Variants in TRAPPC11 observed in about 807,000 individuals in gnomAD.
TRAPPC11 encodes foie gras homolog.
Under a neutral mutation model 151.2 loss-of-function variants are expected in TRAPPC11, and 104 were observed. That is an observed-to-expected ratio of 0.69 (90% CI 0.59 to 0.81). The LOEUF is 0.81. Ranked by LOEUF, TRAPPC11 falls within the 30% of genes least tolerant of loss-of-function variation. TRAPPC11 has a pLI of 0.00. For synonymous variants in TRAPPC11, 456 were observed against 472.3 expected (o/e 0.97, Z 0.45); for missense variants, 1,230 against 1,349.6 (o/e 0.91, Z 1.39).
At position 183,693,141 on chromosome 4, in the gene TRAPPC11, G is replaced by GCA; in HGVS notation, c.2234_2235dup (p.Met746GlnfsTer2). On this transcript the variant is annotated frameshift_variant, in exon 20 of 30. Coordinates refer to ENST00000334690, the MANE Select transcript of TRAPPC11 (RefSeq NM_021942.6). LOFTEE classifies it high-confidence loss of function. ...TGGGACAGCATTATAATTCAGGCAAGCACAATGTAAGTCTGCTTTGCTAAG... is the reference window on the plus strand; with the variant it reads ...TGGGACAGCATTATAATTCAGGCAAGCACACAATGTAAGTCTGCTTTGCTAAG... The GCA allele has an allele frequency of 6.3e-7, 1 of 1,595,614 alleles. No individual in the cohort carries two copies. The highest frequency in any genetic ancestry group is 8.6e-7 in the Non-Finnish European group (1 of 1,168,924).
At chr4:183,661,486 C>T (rs1255062257) in intron 1 of TRAPPC11, among the ~76,000 whole-genome samples, 1 of 150,106 alleles carries the variant, frequency 6.7e-6, no homozygotes, top group Non-Finnish European at 1.5e-5. Context: ...ATTCTCCTGC[C>T]TCAGCCTCCC....
intron 10 of TRAPPC11, among the ~76,000 whole-genome samples, chr4:183,681,745 A>T (rs1032632320): frequency 2.7e-4 from 41 of 150,194 alleles, no homozygotes; most frequent in African/African-American, 9.4e-4. Flanking sequence ...GTGCCAGTGC[A>T]CTCCAGCCTG....
At chr4:183,709,854 G>A (rs1020180671) in intron 29 of TRAPPC11, among the ~76,000 whole-genome samples, 7 of 152,018 alleles carry the variant, frequency 4.6e-5, no homozygotes, top group African/African-American at 9.7e-5. Flanking sequence ...AAATATTTTC[G>A]CCAGATCCCT....
At chr4:183,671,250 C>T (rs1002573110) in intron 5 of TRAPPC11, among the ~76,000 whole-genome samples, 4 of 152,120 alleles carry the variant, frequency 2.6e-5, no homozygotes, top group African/African-American at 7.2e-5. Flanking sequence ...AAATACAAAA[C>T]GATGTATGCA....
Position 183,708,473 on chromosome 4 carries a change from G to C in TRAPPC11, c.3256G>C (p.Gly1086Arg). Residue 1086 changes from glycine to arginine, a missense_variant, in exon 29 of 30, where the codon GGA becomes CGA. By Grantham distance (125) the Gly-to-Arg change is moderately radical. Coordinates refer to ENST00000334690, the MANE Select transcript of TRAPPC11 (RefSeq NM_021942.6). Reference sequence around the variant, plus strand: ...ATATAATTTCTATCCTCTGATGGCTGGATACCAGCAGCTGCCATCTCTCAA... The same window carrying C: ...ATATAATTTCTATCCTCTGATGGCTCGATACCAGCAGCTGCCATCTCTCAA... ...MLYNFYPLMAGYQQLPSLNIN... is the reference protein window; with the variant it reads ...MLYNFYPLMARYQQLPSLNIN... 6.2e-7 allele frequency: 1 copy of C among 1,614,048 alleles called. No homozygotes were observed. Among genetic ancestry groups the C allele is most frequent in the Admixed American group, 1.7e-5 (1 of 60,008 alleles).
intron 5 of TRAPPC11, among the ~76,000 whole-genome samples, chr4:183,668,658 T>G (rs1221733257): frequency 6.6e-6 from 1 of 152,212 alleles, no homozygotes. Flanking sequence ...TGTCACTAAT[T>G]TCTTAGGAAG....
intron 27 of TRAPPC11, 64 bp from the exon 28 acceptor site, chr4:183,706,743 A>G: frequency 6.4e-7 from 1 of 1,550,906 alleles, no homozygotes. Flanking sequence ...TTCATTTACA[A>G]AACGAAGCCA....
rs762545739 is a variant in TRAPPC11, at chr4:183,675,236, A to G, written c.733A>G (p.Lys245Glu). The G allele has an allele frequency of 1.3e-6, 2 of 1,526,932 alleles. No homozygotes were observed. Among genetic ancestry groups the G allele is most frequent in the Non-Finnish European group, 1.8e-6 (2 of 1,132,490 alleles). The allele number at this position is 1,526,932 out of a possible 1,614,324, so 94.6% of individuals were successfully genotyped here. ...GAAACAAGATACACAAAATGCGCTG[A>G]AGTAAGTTAAGCTTTCAAACTAAAT... ...ELKQDTQNAL[K>E]NYRTAYNLVH... The change falls in exon 7 of 30, where the codon AAG becomes GAG. Residue 245 changes from lysine to glutamate, a missense_variant and splice_region_variant. Coordinates refer to ENST00000334690, the MANE Select transcript of TRAPPC11 (RefSeq NM_021942.6).
chr4:183,665,269 T>C (rs539865732), intron 2 of TRAPPC11, among the ~76,000 whole-genome samples: 330 of 151,950 alleles, frequency 2.2e-3, no homozygotes, highest in African/African-American at 7.4e-3. Context: ...TAATTTTCTG[T>C]ATTTTTAGTA....
At position 183,661,164 on chromosome 4, in the gene TRAPPC11, T is replaced by C. The variant is rs75629611; in HGVS notation, c.-22+1717T>C. On this transcript the variant is annotated intron_variant, in intron 1 of 29. Transcript: ENST00000334690. ...TCTGTTGTAGACATTTCTGGCAAGC[T>C]TTGCAAATCATTTATTGAATACCTG... Among the ~76,000 whole-genome samples, 1,306 of 152,154 alleles carry C rather than the reference T, an allele frequency of 8.6e-3. 16 individuals carry two copies. The highest frequency in any genetic ancestry group is 0.03 in the African/African-American group (1,234 of 41,558).
rs762809857 is a variant in TRAPPC11 at position 183,708,362 on chromosome 4, A to G, written c.3190-45A>G. ...GGGTAACAACATATAGATATTGCACATATGTGTATTTGATTATCTTTCTCT... is the reference window on the plus strand; with the variant it reads ...GGGTAACAACATATAGATATTGCACGTATGTGTATTTGATTATCTTTCTCT... On this transcript the variant is annotated intron_variant, in intron 28 of 29. Coordinates refer to ENST00000334690, the MANE Select transcript of TRAPPC11 (RefSeq NM_021942.6). The G allele has an allele frequency of 3.2e-6, 5 of 1,581,398 alleles. No homozygotes were observed. The African/African-American group carries it at 5.4e-5, about 17-fold the overall frequency.
intron 18 of TRAPPC11, among the ~76,000 whole-genome samples, chr4:183,688,732 T>C (rs964042820): frequency 3.3e-5 from 5 of 150,518 alleles, no homozygotes; most frequent in Non-Finnish European, 6.0e-5. Context: ...TTAGTGTGTG[T>C]GCGTGTGTGT....
chr4:183,670,538 C>T (rs1045918314), intron 5 of TRAPPC11, among the ~76,000 whole-genome samples: 14 of 152,182 alleles, frequency 9.2e-5, no homozygotes, highest in Non-Finnish European at 1.5e-4. Context: ...GCAAATGCTT[C>T]TCAAAGGAAA....
At chr4:183,706,200 G>T (rs541564637) in intron 27 of TRAPPC11, among the ~76,000 whole-genome samples, 1 of 152,184 alleles carries the variant, frequency 6.6e-6, no homozygotes, top group Non-Finnish European at 1.5e-5. Flanking sequence ...AACCATGAGT[G>T]ATATTTTGGG....
chr4:183,697,479 T>C (rs2111077794), intron 23 of TRAPPC11, 24 bp from the exon 24 acceptor site: 4 of 1,590,290 alleles, frequency 2.5e-6, no homozygotes, highest in East Asian at 4.5e-5. Context: ...AATCCATGAA[T>C]GTGCCCTTTA....
rs566450197 is a variant in TRAPPC11, at chr4:183,667,081, C to T, written c.396C>T (p.Asn132=). 1.3e-6 allele frequency: 2 copies of T among 1,599,032 alleles called. No individual in the cohort carries two copies. The highest frequency in any genetic ancestry group is 2.2e-5 in the East Asian group (1 of 44,662). ...GCAGGCAAAGTTTACAAGGAAGAAA[C>T]ACAAAAGTTGCAGTGGTTCTGATTC... ...EIVRQSLQGR[N]TKVAVVLIQK... The change falls in exon 4 of 30, where the codon AAC becomes AAT. Residue 132 remains asparagine, a synonymous_variant. Coordinates refer to ENST00000334690, the MANE Select transcript of TRAPPC11 (RefSeq NM_021942.6).
intron 23 of TRAPPC11, among the ~76,000 whole-genome samples, chr4:183,696,791 A>G (rs956902205): frequency 2.6e-5 from 4 of 152,126 alleles, no homozygotes; most frequent in Admixed American, 6.5e-5. Flanking sequence ...GGCAATCATA[A>G]TAGCACTTGT....
At chr4:183,710,917 G>A (rs1281655416) in intron 29 of TRAPPC11, among the ~76,000 whole-genome samples, 1 of 151,520 alleles carries the variant, frequency 6.6e-6, no homozygotes, top group Non-Finnish European at 1.5e-5. Context: ...TGCAATCCCA[G>A]CTACTTGGGA....
At chr4:183,704,536 A>C (rs1422349786) in intron 26 of TRAPPC11, among the ~76,000 whole-genome samples, 1 of 150,322 alleles carries the variant, frequency 6.7e-6, no homozygotes, top group African/African-American at 2.5e-5. Flanking sequence ...AAAAAAAAAA[A>C]ATTGGCCAGG....
Sources: allele counts gnomAD v4.1 joint callset (sites outside exome capture counted in the v4.1 genomes callset), GRCh38; gene constraint gnomAD v4.1.1; transcripts MANE v1.5; gene names NCBI Gene and HGNC (gene_info 2026-07-23, HGNC 2026-07-21).